Variants in DPYD observed in about 807,000 individuals in gnomAD.
The protein encoded by DPYD is dihydropyrimidine dehydrogenase.
In DPYD, 109 loss-of-function variants were observed where a neutral mutation model predicts 116.2. That is an observed-to-expected ratio of 0.94 (90% CI 0.80 to 1.10). The LOEUF (loss-of-function observed/expected upper bound fraction) is 1.10, where lower values mean the gene tolerates loss of function less well. Ranked by LOEUF, DPYD falls within the 50% of genes least tolerant of loss-of-function variation. The pLI, the probability that DPYD is intolerant of heterozygous loss-of-function variation, is 0.00. For missense variants in DPYD, 1,302 were observed against 1,254.5 expected, an observed-to-expected ratio of 1.04 and a Z score of -0.57; for synonymous variants, 440 against 432.0, an observed-to-expected ratio of 1.02 and a Z score of -0.23.
At chr1:97,167,339 GAA>G (rs939132267) in intron 20 of DPYD, among the ~76,000 whole-genome samples, 6 of 152,052 alleles carry the variant, frequency 3.9e-5, no homozygotes, top group African/African-American at 1.4e-4. Context: ...TCCTTTTCCT[GAA>G]AGTTACCACT....
chr1:97,496,043 A>G (rs919347020), intron 13 of DPYD, among the ~76,000 whole-genome samples: 3 of 152,118 alleles, frequency 2.0e-5, no homozygotes, highest in Non-Finnish European at 4.4e-5. Flanking sequence ...TGCACAGAAC[A>G]TAGTAACCAT....
intron 6 of DPYD, 84 bp from the exon 7 acceptor site, chr1:97,691,882 T>C (rs1571199008): frequency 5.7e-6 from 6 of 1,046,038 alleles, no homozygotes; most frequent in Non-Finnish European, 9.0e-6. Flanking sequence ...TAACATGTCT[T>C]TATGGATTAG....
intron 20 of DPYD, among the ~76,000 whole-genome samples, chr1:97,191,614 G>GT (rs1658372936): frequency 6.6e-6 from 1 of 152,050 alleles, no homozygotes. Flanking sequence ...ATTTGAATAT[G>GT]TAAGTTTTGA....
At chr1:97,263,075 T>A (rs1663995900) in intron 18 of DPYD, among the ~76,000 whole-genome samples, 1 of 152,090 alleles carries the variant, frequency 6.6e-6, no homozygotes, top group Non-Finnish European at 1.5e-5. Flanking sequence ...CTTGTCAATA[T>A]TTAGCTCCCA....
intron 8 of DPYD, among the ~76,000 whole-genome samples, chr1:97,620,547 A>G (rs1656573808): frequency 6.6e-6 from 1 of 152,168 alleles, no homozygotes; most frequent in Non-Finnish European, 1.5e-5. Flanking sequence ...GCAACATCTC[A>G]TAGGTTATTA....
chr1:97,850,780 C>T (rs1054134494), intron 2 of DPYD, among the ~76,000 whole-genome samples: 1 of 151,896 alleles, frequency 6.6e-6, no homozygotes, highest in Admixed American at 6.6e-5. Context: ...AAAAACCATC[C>T]AGCAAGGTGA....
intron 19 of DPYD, among the ~76,000 whole-genome samples, chr1:97,212,070 G>T (rs952803532): frequency 6.6e-6 from 1 of 151,908 alleles, no homozygotes; most frequent in East Asian, 1.9e-4. Context: ...CATTATTATG[G>T]TATAATTTAC....
intron 13 of DPYD, among the ~76,000 whole-genome samples, chr1:97,512,132 G>T (rs75258541): frequency 0.032 from 4,842 of 151,838 alleles, 101 homozygotes; most frequent in Non-Finnish European, 0.051. Context: ...TTTATCCAGC[G>T]AATATTTATG....
intron 10 of DPYD, among the ~76,000 whole-genome samples, chr1:97,580,135 T>C (rs1653539157): frequency 6.6e-6 from 1 of 152,230 alleles, no homozygotes; most frequent in Non-Finnish European, 1.5e-5. Context: ...AAAGCAAGAA[T>C]AGGTTATAAA....
At chr1:97,307,325 A>G (rs1245558703) in intron 16 of DPYD, among the ~76,000 whole-genome samples, 1 of 151,768 alleles carries the variant, frequency 6.6e-6, no homozygotes, top group African/African-American at 2.4e-5. Flanking sequence ...TCATATATTT[A>G]AACTATGAAA....
At chr1:97,608,716 A>T (rs554145941) in intron 8 of DPYD, among the ~76,000 whole-genome samples, 1 of 151,636 alleles carries the variant, frequency 6.6e-6, no homozygotes, top group African/African-American at 2.4e-5. Flanking sequence ...TTTCATTTTA[A>T]TTGGAGCACA....
At chr1:97,558,970 C>T (rs1231506162) in intron 11 of DPYD, among the ~76,000 whole-genome samples, 3 of 152,084 alleles carry the variant, frequency 2.0e-5, no homozygotes, top group Non-Finnish European at 4.4e-5. Flanking sequence ...TTCCCAAATG[C>T]TGTACTTTGA....
chr1:97,365,831 G>C (rs199731351), intron 16 of DPYD, among the ~76,000 whole-genome samples: 7 of 152,102 alleles, frequency 4.6e-5, no homozygotes, highest in African/African-American at 1.7e-4. Flanking sequence ...ACGGGGTTTC[G>C]CCATGTTGCC....
intron 8 of DPYD, among the ~76,000 whole-genome samples, chr1:97,632,273 C>T (rs2100796767): frequency 6.6e-6 from 1 of 152,190 alleles, no homozygotes; most frequent in East Asian, 1.9e-4. Flanking sequence ...GTCGCACATG[C>T]TATACATCAA....
At chr1:97,872,528 C>T (rs1358075406) in intron 2 of DPYD, among the ~76,000 whole-genome samples, 2 of 151,894 alleles carry the variant, frequency 1.3e-5, no homozygotes, top group South Asian at 2.1e-4. Flanking sequence ...AGAGTTAACA[C>T]TTTTCTTCTT....
At chr1:97,384,337 A>G (rs940961434) in intron 14 of DPYD, among the ~76,000 whole-genome samples, 4 of 151,660 alleles carry the variant, frequency 2.6e-5, no homozygotes, top group African/African-American at 9.7e-5. Context: ...AGAGTTCTAA[A>G]AACCAGGGAA....
rs1661746110 is a variant in DPYD, at chr1:97,703,851, G to T, written c.484-4304C>A. On this transcript the variant is annotated intron_variant, in intron 5 of 22. Transcript: ENST00000370192. Reference sequence around the variant, plus strand: ...TAGTTATTTTTAATATGATTTTTATGACTACATGTTCATATACTTTAATTT... The same window carrying T: ...TAGTTATTTTTAATATGATTTTTATTACTACATGTTCATATACTTTAATTT... 2.0e-5 allele frequency among the ~76,000 whole-genome samples: 3 copies of T among 152,042 alleles called. No homozygotes were observed. The South Asian group carries it at 6.2e-4, about 32-fold the overall frequency.
chr1:97,839,954 G>A (rs1334061773), intron 2 of DPYD, among the ~76,000 whole-genome samples: 2 of 151,896 alleles, frequency 1.3e-5, no homozygotes, highest in Non-Finnish European at 2.9e-5. Flanking sequence ...TGTGTTTATC[G>A]GCTATTTACA....
intron 3 of DPYD, among the ~76,000 whole-genome samples, chr1:97,763,827 A>T (rs1432471986): frequency 1.3e-5 from 2 of 152,104 alleles, no homozygotes; most frequent in African/African-American, 4.8e-5. Context: ...TCATCCAAAC[A>T]TTTATTATGA....
Sources: allele counts gnomAD v4.1 joint callset (sites outside exome capture counted in the v4.1 genomes callset), GRCh38; gene constraint gnomAD v4.1.1; transcripts MANE v1.5; gene names NCBI Gene and HGNC (gene_info 2026-07-23, HGNC 2026-07-21).